SEC22C: variants seen among roughly 807,000 people sequenced by gnomAD.
SEC22C encodes the protein vesicle-trafficking protein SEC22c.
A neutral mutation model predicts 34.7 loss-of-function variants in SEC22C; 29 were observed. The ratio of observed to expected loss-of-function variants is 0.84; its 90% CI spans 0.62 to 1.14. The LOEUF (loss-of-function observed/expected upper bound fraction) is 1.14, where lower values mean the gene tolerates loss of function less well. Among genes scored for constraint, SEC22C ranks in the 50% most tolerant of loss-of-function variants. The pLI is 0.00. For synonymous variants in SEC22C, 117 were observed against 132.8 expected, an observed-to-expected ratio of 0.88 and a Z score of 0.82; for missense variants, 337 against 369.0, an observed-to-expected ratio of 0.91 and a Z score of 0.71.
chr3:42,580,089 A>C (rs1171334737), intron 1 of SEC22C, among the ~76,000 whole-genome samples: 1 of 152,212 alleles, frequency 6.6e-6, no homozygotes, highest in Non-Finnish European at 1.5e-5. Flanking sequence ...TCTGTTTATA[A>C]ACTGCTCATG....
intron 1 of SEC22C, among the ~76,000 whole-genome samples, chr3:42,600,214 G>C (rs2125746489): frequency 6.6e-6 from 1 of 152,248 alleles, no homozygotes; most frequent in South Asian, 2.1e-4. Context: ...TGCCAAAGCG[G>C]GAAGGAACGC....
intron 1 of SEC22C, among the ~76,000 whole-genome samples, chr3:42,593,426 ATAAAT>A (rs1450535616): frequency 3.3e-5 from 5 of 152,222 alleles, no homozygotes; most frequent in Admixed American, 1.3e-4. Flanking sequence ...CAATAAATAA[ATAAAT>A]TAAAGTATAT....
intron 2 of SEC22C, among the ~76,000 whole-genome samples, chr3:42,564,644 C>T (rs1358042106): frequency 6.6e-6 from 1 of 152,224 alleles, no homozygotes; most frequent in Non-Finnish European, 1.5e-5. Flanking sequence ...TTCCTTCCCA[C>T]ACAAAGCCAA....
At chr3:42,581,122 A>G (rs878990688) in intron 1 of SEC22C, among the ~76,000 whole-genome samples, 1 of 152,216 alleles carries the variant, frequency 6.6e-6, no homozygotes, top group Admixed American at 6.5e-5. Context: ...ACGTTAAACC[A>G]TTTCCAGTTG....
intron 3 of SEC22C, 82 bp downstream of exon 3, chr3:42,563,441 G>T (rs1703044259): frequency 4.8e-6 from 6 of 1,245,364 alleles, no homozygotes; most frequent in Non-Finnish European, 6.8e-6. Context: ...TTTCCTTGAT[G>T]GTCAAAGCCA....
At chr3:42,590,754 A>T in intron 1 of SEC22C, 2 of 867,496 alleles carry the variant, frequency 2.3e-6, no homozygotes, top group Non-Finnish European at 3.9e-6. Flanking sequence ...AGCGCTGAGT[A>T]TAGCTCTTGC....
At chr3:42,569,328 T>C (rs1360828197) in intron 1 of SEC22C, among the ~76,000 whole-genome samples, 4 of 152,146 alleles carry the variant, frequency 2.6e-5, no homozygotes, top group Non-Finnish European at 5.9e-5. Flanking sequence ...TTTCCAGAAT[T>C]AAGCCAACTG....
intron 1 of SEC22C, chr3:42,600,677 G>C (rs1424839124): frequency 1.4e-5 from 3 of 208,922 alleles, no homozygotes; most frequent in African/African-American, 2.3e-5. Context: ...GGCCCGGCCT[G>C]GGGGAGGAGA....
intron 1 of SEC22C, chr3:42,600,902 T>A (rs1320766586): frequency 2.4e-6 from 2 of 849,604 alleles, no homozygotes; most frequent in African/African-American, 3.6e-5. Context: ...TGGCGCGGAC[T>A]TCGTCTCAGC....
chr3:42,584,962 A>C (rs1704564403), upstream of SEC22C, among the ~76,000 whole-genome samples: 1 of 152,134 alleles, frequency 6.6e-6, no homozygotes. Flanking sequence ...CCCCGTCTCT[A>C]TTGAAAAATT....
Position 42,561,183 on chromosome 3 carries a change from T to G in SEC22C, c.460A>C (p.Thr154Pro), listed in dbSNP as rs759716602. Residue 154 changes from threonine (T) to proline (P), a missense_variant, in exon 4 of 7, where the codon ACT becomes CCT. By Grantham distance (38) the Thr-to-Pro change is conservative. Transcript: ENST00000264454. ...TTTGCCACATCTGTGTCCTCCAGAG[T>G]GAGAACCGCTGGAGGCTGCAACTTG... ...ELKLQPPAVL[T>P]LEDTDVANGV... 6.2e-7 allele frequency: 1 copy of G among 1,614,018 alleles called. No individual in the cohort carries two copies. Among genetic ancestry groups the G allele is most frequent in the South Asian group, 1.1e-5 (1 of 91,084 alleles).
At chr3:42,556,442 G>A (rs1702534357) in intron 5 of SEC22C, among the ~76,000 whole-genome samples, 1 of 152,224 alleles carries the variant, frequency 6.6e-6, no homozygotes, top group Non-Finnish European at 1.5e-5. Flanking sequence ...CAAACAGACA[G>A]TTGGTAAGTA....
At chr3:42,556,709 C>A (rs1702545894) in intron 5 of SEC22C, among the ~76,000 whole-genome samples, 1 of 151,970 alleles carries the variant, frequency 6.6e-6, no homozygotes. Context: ...TGGTTTTATA[C>A]CTCCTCTTTT....
At position 42,553,355 on chromosome 3, in the gene SEC22C, G is replaced by C. The variant is rs1702341932; in HGVS notation, c.805C>G (p.Leu269Val). 4.3e-6 allele frequency: 7 copies of C among 1,614,052 alleles called. No homozygotes were observed. In the African/African-American group the frequency reaches 5.3e-5, roughly 12 times the overall value. ...ICLGNMYLHG[L>V]RNLWQILFHI... The stretch of plus-strand genomic sequence containing the variant: ...AAAAGGATTTGCCAGAGGTTCCTCA[G>C]CCCGTGCAGGTACATGTTGCCCAGG... Residue 269 changes from leucine to valine, a missense_variant, in exon 7 of 7, where the codon CTG becomes GTG. Coordinates refer to ENST00000264454, the MANE Select transcript of SEC22C (RefSeq NM_032970.4).
At chr3:42,577,969 CA>C (rs1165807612) in intron 1 of SEC22C, among the ~76,000 whole-genome samples, 17 of 136,812 alleles carry the variant, frequency 1.2e-4, no homozygotes, top group Admixed American at 1.5e-4. Flanking sequence ...AATTTCATCT[CA>C]AAAAAAAAAA....
intron 1 of SEC22C, chr3:42,591,021 G>T: frequency 6.5e-7 from 1 of 1,538,032 alleles, no homozygotes; most frequent in East Asian, 2.4e-5. Context: ...ATCCCGAGGG[G>T]CTGCGGGGTG....
rs192865912 is a variant in SEC22C at position 42,554,666 on chromosome 3, C to T, written c.712-1218G>A. ...GGGTAATTCTTAAGAATAAACCATTCTAGGATGTATGTGGAAGAGAAGGAA... is the reference window on the plus strand; with the variant it reads ...GGGTAATTCTTAAGAATAAACCATTTTAGGATGTATGTGGAAGAGAAGGAA... On this transcript the variant is annotated intron_variant, in intron 6 of 6. Transcript: ENST00000264454. Among the ~76,000 whole-genome samples the T allele has an allele frequency of 3.7e-4, 57 of 152,054 alleles. No homozygotes were observed. The East Asian group carries it at 5.6e-3, about 15-fold the overall frequency.
chr3:42,563,549 G>A lies in SEC22C; in HGVS notation c.320C>T (p.Ser107Phe), dbSNP rs775551262. 1 of 1,613,962 alleles carries A rather than the reference G, an allele frequency of 6.2e-7. No individual in the cohort carries two copies. Among genetic ancestry groups the A allele is most frequent in the Non-Finnish European group, 8.5e-7 (1 of 1,179,930 alleles). ...AAACTCAAGAAAAGCGTATGGCCTG[G>A]AGGCTAGGCCAATGCAGGTAGTGTC... Reference protein sequence around the residue: ...SYDTTCIGLASRPYAFLEFDS... With the variant: ...SYDTTCIGLAFRPYAFLEFDS... Residue 107 changes from serine (S) to phenylalanine (F), a missense_variant, in exon 3 of 7, where the codon TCC (serine) becomes TTC (phenylalanine). Ser to Phe is a radical substitution (Grantham distance 155). Transcript: ENST00000264454.
rs781703496 is a variant in SEC22C, at chr3:42,590,849, T to C, written c.-28+10111A>G. 9 of 1,586,140 alleles carry C rather than the reference T, an allele frequency of 5.7e-6. No homozygotes were observed. In the Admixed American group the frequency reaches 1.2e-4, roughly 21 times the overall value. On this transcript the variant is annotated intron_variant, in intron 1 of 6. Coordinates refer to the SEC22C transcript ENST00000417572. ...CAACTTCGAGAGCGTAGGCCCCACC[T>C]ATCGTGGGTCGAGTTGCTTGGCGGT...
Sources: allele counts gnomAD v4.1 joint callset (sites outside exome capture counted in the v4.1 genomes callset), GRCh38; gene constraint gnomAD v4.1.1; transcripts MANE v1.5; gene names NCBI Gene and HGNC (gene_info 2026-07-23, HGNC 2026-07-21).